The following LARGE1 variants were observed in gnomAD, a reference collection of about 807,000 sequenced individuals.
LARGE1 encodes the protein xylosyl- and glucuronyltransferase LARGE1.
LARGE1 carries 43 observed loss-of-function variants against 87.6 expected under a neutral mutation model. The observed-to-expected ratio is 0.49, with a 90% CI of 0.38 to 0.63. LARGE1 has a LOEUF of 0.63. Among genes scored for constraint, LARGE1 ranks in the 30% least tolerant of loss-of-function variants. The pLI is 0.00. For missense variants in LARGE1, 802 were observed against 1,000.2 expected, an observed-to-expected ratio of 0.80 and a Z score of 2.67; for synonymous variants, 434 against 394.6, an observed-to-expected ratio of 1.10 and a Z score of -1.18.
chr22:33,632,377 G>A (rs956815159), intron 3 of LARGE1, among the ~76,000 whole-genome samples: 4 of 152,112 alleles, frequency 2.6e-5, no homozygotes, highest in Non-Finnish European at 5.9e-5. Flanking sequence ...GCCCACCTCG[G>A]CCTCCCAAAG....
At chr22:33,764,424 T>G (rs2084833733) in intron 1 of LARGE1, among the ~76,000 whole-genome samples, 1 of 152,202 alleles carries the variant, frequency 6.6e-6, no homozygotes, top group Non-Finnish European at 1.5e-5. Context: ...TATCCTCCTA[T>G]ATACTTTACT....
rs56832457 is a variant in LARGE1 at position 33,762,213 on chromosome 22, C to CAAAAA, written c.-82-660_-82-656dup. ...AGGGAGACAGAGCGAGATTCTATCT[C>CAAAAA]AAAAAAAAAAAAAAAAAAAAAAAAA... On this transcript the variant is annotated intron_variant, in intron 1 of 14. Transcript: ENST00000397394. Among the ~76,000 whole-genome samples, 37 of 84,460 alleles carry CAAAAA rather than the reference C, an allele frequency of 4.4e-4. 3 individuals are homozygous for CAAAAA. Among genetic ancestry groups the CAAAAA allele is most frequent in the East Asian group, 2.4e-3 (6 of 2,548 alleles). The allele number at this position is 84,460 out of a possible 152,430, so 55.4% of individuals were successfully genotyped here.
intron 2 of LARGE1, among the ~76,000 whole-genome samples, chr22:33,713,673 A>C (rs1394813711): frequency 6.6e-6 from 1 of 152,008 alleles, no homozygotes; most frequent in Non-Finnish European, 1.5e-5. Context: ...ATGAGTGCCC[A>C]GGGCTGGGCA....
intron 11 of LARGE1, among the ~76,000 whole-genome samples, chr22:33,178,993 A>G (rs1370738610): frequency 6.6e-6 from 1 of 152,200 alleles, no homozygotes; most frequent in Non-Finnish European, 1.5e-5. Context: ...TTGCTGCATC[A>G]TAACAGGGTG....
At chr22:33,827,281 A>T (rs1194452685) in intron 1 of LARGE1, among the ~76,000 whole-genome samples, 1 of 151,920 alleles carries the variant, frequency 6.6e-6, no homozygotes, top group Non-Finnish European at 1.5e-5. Flanking sequence ...AAGGCAGGAG[A>T]ATGGCGTGAA....
intron 1 of LARGE1, among the ~76,000 whole-genome samples, chr22:33,767,148 T>C (rs1482308107): frequency 6.6e-6 from 1 of 150,646 alleles, no homozygotes; most frequent in Admixed American, 6.6e-5. Context: ...ATCCTGTCTC[T>C]ACTAAAAAAT....
At chr22:33,489,724 C>T (rs963872648) in intron 6 of LARGE1, among the ~76,000 whole-genome samples, 2 of 152,124 alleles carry the variant, frequency 1.3e-5, no homozygotes, top group Non-Finnish European at 1.5e-5. Context: ...ATAAACTACC[C>T]AGTCTCGGGT....
At chr22:33,182,932 G>A (rs1923250969) in intron 11 of LARGE1, among the ~76,000 whole-genome samples, 1 of 152,086 alleles carries the variant, frequency 6.6e-6, no homozygotes, top group South Asian at 2.1e-4. Context: ...GATACCAAGG[G>A]CACAGGCAAC....
the LARGE1 span, chr22:33,106,151 G>A: frequency 6.6e-6 from 1 of 152,246 alleles, no homozygotes; most frequent in Non-Finnish European, 1.5e-5. Flanking sequence ...CGTGGCCTAT[G>A]GCAGCCGTTG....
At chr22:33,201,092 T>C (rs1294827215) in intron 11 of LARGE1, among the ~76,000 whole-genome samples, 1 of 152,090 alleles carries the variant, frequency 6.6e-6, no homozygotes, top group Non-Finnish European at 1.5e-5. Flanking sequence ...GGGGATCACT[T>C]GAGGTCAGGA....
At chr22:33,607,457 A>T (rs1298993562) in intron 4 of LARGE1, among the ~76,000 whole-genome samples, 1 of 124,812 alleles carries the variant, frequency 8.0e-6, no homozygotes, top group Non-Finnish European at 1.6e-5. Flanking sequence ...GCAAAACTGC[A>T]TCTCAAAAAA....
intron 2 of LARGE1, among the ~76,000 whole-genome samples, chr22:33,734,030 C>T (rs537726274): frequency 2.2e-4 from 34 of 152,264 alleles, no homozygotes; most frequent in African/African-American, 7.5e-4. Flanking sequence ...GGGAGGGATA[C>T]GCTTAGGGCT....
intron 1 of LARGE1, among the ~76,000 whole-genome samples, chr22:33,818,522 G>T (rs1488305043): frequency 6.6e-6 from 1 of 152,164 alleles, no homozygotes; most frequent in Non-Finnish European, 1.5e-5. Context: ...AAAGAAGGGG[G>T]ACTGTGGCCC....
chr22:33,128,468 A>G, the LARGE1 span, among the ~76,000 whole-genome samples: 1 of 152,170 alleles, frequency 6.6e-6, no homozygotes, highest in Admixed American at 6.5e-5. Flanking sequence ...TGAGGTCAGG[A>G]GTTCGAAACC....
rs140571740 is a variant in LARGE1, at chr22:33,591,062, G to A, written c.615+13373C>T. The stretch of plus-strand genomic sequence containing the variant: ...CTAAAAATACAGAAATTAGCTGGGC[G>A]TGGTGGTGGGTGCCTGTAATTCCAG... On this transcript the variant is annotated intron_variant, in intron 5 of 14. Transcript: ENST00000397394. 8.3e-3 allele frequency among the ~76,000 whole-genome samples: 1,270 copies of A among 152,304 alleles called. 12 individuals carry two copies. The highest frequency in any genetic ancestry group is 0.028 in the African/African-American group (1,176 of 41,574).
intron 1 of LARGE1, among the ~76,000 whole-genome samples, chr22:33,765,182 TA>T (rs1188497778): frequency 6.6e-6 from 1 of 151,976 alleles, no homozygotes; most frequent in Non-Finnish European, 1.5e-5. Context: ...CTAGAGAGAT[TA>T]ATTAACTGGC....
intron 6 of LARGE1, among the ~76,000 whole-genome samples, chr22:33,493,183 C>CATAGTCTT (rs2069938012): frequency 8.7e-6 from 1 of 115,120 alleles, no homozygotes; most frequent in African/African-American, 3.4e-5. Context: ...TTTTTTGAGA[C>CATAGTCTT]ATAGTCTTGC....
At chr22:33,299,133 G>C (rs1425300460) in intron 12 of LARGE1, among the ~76,000 whole-genome samples, 2 of 152,004 alleles carry the variant, frequency 1.3e-5, no homozygotes, top group Non-Finnish European at 2.9e-5. Context: ...CATCGCTTGA[G>C]CCTGGGGAGG....
rs570211314 is a variant in LARGE1 at position 33,327,442 on chromosome 22, T to G, written c.1287+10204A>C. Among the ~76,000 whole-genome samples the G allele has an allele frequency of 3.9e-5, 6 of 152,328 alleles. No homozygotes were observed. The South Asian group carries it at 8.3e-4, about 21-fold the overall frequency. On this transcript the variant is annotated intron_variant, in intron 10 of 14. Coordinates refer to ENST00000397394, the MANE Select transcript of LARGE1 (RefSeq NM_133642.5). ...ATAACTGCCTAGATGGTGCAGCACT[T>G]TGAATACTTTAACCCCTTTAACTTT... is the stretch of plus-strand genomic sequence containing the variant.
Sources: gnomAD v4.1 joint callset for allele counts (sites outside exome capture counted in the v4.1 genomes callset) on GRCh38, gnomAD v4.1.1 for gene constraint, MANE v1.5 for transcripts, NCBI Gene and HGNC (gene_info 2026-07-23, HGNC 2026-07-21) for gene names.